Variants in FHIT observed in about 807,000 individuals in gnomAD.
FHIT encodes the protein fragile histidine triad diadenosine triphosphatase, also known as bis(5'-adenosyl)-triphosphatase.
Under a neutral mutation model 17.9 loss-of-function variants are expected in FHIT, and 19 were observed. That is an observed-to-expected ratio of 1.06 (90% confidence interval 0.74 to 1.56). The LOEUF (loss-of-function observed/expected upper bound fraction) is 1.56, where lower values mean the gene tolerates loss of function less well. Among genes scored for constraint, FHIT ranks in the 40% most tolerant of loss-of-function variants. The pLI is 0.00. For missense variants in FHIT, 248 were observed against 189.2 expected (o/e 1.31, Z -1.82); for synonymous variants, 81 against 69.7 (o/e 1.16, Z -0.81).
At chr3:59,979,527 C>A (rs1708558039) in intron 7 of FHIT, among the ~76,000 whole-genome samples, 1 of 152,196 alleles carries the variant, frequency 6.6e-6, no homozygotes, top group South Asian at 2.1e-4. Context: ...TTTAGAGAAT[C>A]CCTTGGGGAC....
intron 2 of FHIT, among the ~76,000 whole-genome samples, chr3:61,062,505 T>C (rs1269904772): frequency 6.6e-6 from 1 of 152,140 alleles, no homozygotes; most frequent in Non-Finnish European, 1.5e-5. Context: ...AATGGATGAA[T>C]CTCTTGAAAC....
At chr3:60,856,808 G>T (rs782452076) in intron 3 of FHIT, among the ~76,000 whole-genome samples, 1 of 151,948 alleles carries the variant, frequency 6.6e-6, no homozygotes, top group Non-Finnish European at 1.5e-5. Flanking sequence ...AACTTCTTCA[G>T]TGCGTGGACC....
intron 5 of FHIT, among the ~76,000 whole-genome samples, chr3:60,099,309 G>A (rs758655575): frequency 3.9e-5 from 6 of 152,092 alleles, no homozygotes; most frequent in Admixed American, 1.3e-4. Flanking sequence ...GGGCTCAAAC[G>A]ATAAAAATAA....
At chr3:59,969,697 C>T (rs888219951) in intron 7 of FHIT, among the ~76,000 whole-genome samples, 3 of 152,140 alleles carry the variant, frequency 2.0e-5, no homozygotes, top group African/African-American at 7.2e-5. Context: ...AGGATATTTC[C>T]CTCAATGGGC....
chr3:60,270,003 T>C (rs1300441910), intron 5 of FHIT, among the ~76,000 whole-genome samples: 1 of 152,162 alleles, frequency 6.6e-6, no homozygotes, highest in Non-Finnish European at 1.5e-5. Context: ...CCAGGCCTCA[T>C]ACGACGCCAG....
At chr3:60,663,266 G>T (rs1452564202) in intron 4 of FHIT, among the ~76,000 whole-genome samples, 4 of 149,526 alleles carry the variant, frequency 2.7e-5, no homozygotes, top group Non-Finnish European at 5.9e-5. Flanking sequence ...GATCAAATAA[G>T]TTTGCTAGAA....
At chr3:60,886,533 A>G (rs1330370210) in intron 3 of FHIT, among the ~76,000 whole-genome samples, 1 of 152,198 alleles carries the variant, frequency 6.6e-6, no homozygotes, top group African/African-American at 2.4e-5. Flanking sequence ...ATAATCCAGA[A>G]TCTGTGGTTG....
intron 3 of FHIT, among the ~76,000 whole-genome samples, chr3:60,836,066 T>C (rs2142297): frequency 0.19 from 29,495 of 152,218 alleles, 3,138 homozygotes; most frequent in Middle Eastern, 0.3. Flanking sequence ...CCTTATTGCA[T>C]TGATTAGAAC....
chr3:60,284,749 T>C (rs1707638843), intron 5 of FHIT, among the ~76,000 whole-genome samples: 1 of 152,122 alleles, frequency 6.6e-6, no homozygotes, highest in Non-Finnish European at 1.5e-5. Context: ...TCAAAGTCAA[T>C]ATGACCCTGG....
At chr3:60,824,913 C>A (rs528938628) in intron 3 of FHIT, among the ~76,000 whole-genome samples, 9 of 152,122 alleles carry the variant, frequency 5.9e-5, no homozygotes, top group Non-Finnish European at 7.4e-5. Context: ...GTAAATTGCC[C>A]AATCTCCAGT....
At chr3:59,975,323 CTT>C (rs1708361398) in intron 7 of FHIT, among the ~76,000 whole-genome samples, 2 of 152,034 alleles carry the variant, frequency 1.3e-5, no homozygotes, top group South Asian at 4.2e-4. Context: ...GGGCAAGTCT[CTT>C]AAACTCTCTG....
intron 5 of FHIT, among the ~76,000 whole-genome samples, chr3:60,087,604 T>C (rs188861156): frequency 1.3e-4 from 20 of 152,306 alleles, no homozygotes; most frequent in African/African-American, 4.1e-4. Context: ...ATCCACCAGA[T>C]ACCCCACCCT....
At chr3:60,674,747 T>A (rs1357485750) in intron 4 of FHIT, among the ~76,000 whole-genome samples, 2 of 152,110 alleles carry the variant, frequency 1.3e-5, no homozygotes, top group Non-Finnish European at 2.9e-5. Flanking sequence ...ACGTCTCCCA[T>A]CTCTGGGCAA....
chr3:61,045,845 C>A (rs2033759656), intron 2 of FHIT, among the ~76,000 whole-genome samples: 1 of 152,156 alleles, frequency 6.6e-6, no homozygotes. Flanking sequence ...TCACTCAAAA[C>A]CACTCAACTA....
At chr3:60,926,919 A>G (rs1449747102) in intron 3 of FHIT, among the ~76,000 whole-genome samples, 3 of 152,184 alleles carry the variant, frequency 2.0e-5, no homozygotes, top group Admixed American at 6.5e-5. Context: ...ACAGAATACT[A>G]AAAACACCTC....
intron 4 of FHIT, among the ~76,000 whole-genome samples, chr3:60,622,106 A>C (rs1402590382): frequency 6.6e-6 from 1 of 152,088 alleles, no homozygotes; most frequent in East Asian, 1.9e-4. Flanking sequence ...GCTTGAGATG[A>C]CTCAATGATT....
chr3:60,570,164 T>C (rs1231156263), intron 4 of FHIT, among the ~76,000 whole-genome samples: 1 of 152,246 alleles, frequency 6.6e-6, no homozygotes, highest in African/African-American at 2.4e-5. Context: ...GAAGCCATGC[T>C]GCACTGGAAT....
chr3:60,474,270 G>T (rs2033235775), intron 5 of FHIT, among the ~76,000 whole-genome samples: 1 of 152,040 alleles, frequency 6.6e-6, no homozygotes. Flanking sequence ...TTCATCCATG[G>T]GAAAAGGAAC....
intron 4 of FHIT, among the ~76,000 whole-genome samples, chr3:60,654,684 TAGA>T (rs2040074637): frequency 6.6e-6 from 1 of 152,204 alleles, no homozygotes; most frequent in African/African-American, 2.4e-5. Flanking sequence ...CACCTGATTC[TAGA>T]CACAATGTCT....
Sources: allele counts gnomAD v4.1 joint callset (sites outside exome capture counted in the v4.1 genomes callset), GRCh38; gene constraint gnomAD v4.1.1; transcripts MANE v1.5; gene names NCBI Gene and HGNC (gene_info 2026-07-23, HGNC 2026-07-21).